RBFOX3: variants seen among roughly 807,000 people sequenced by gnomAD.
RBFOX3 encodes RNA binding fox-1 homolog 3.
A neutral mutation model predicts 48.7 loss-of-function variants in RBFOX3; 17 were observed. The observed-to-expected ratio is 0.35, with a 90% confidence interval of 0.24 to 0.52. RBFOX3 has a LOEUF of 0.52. RBFOX3 is among the 20% of genes least tolerant of loss of function. The pLI is 0.94. For missense variants in RBFOX3, 382 were observed against 497.5 expected (o/e 0.77, Z 2.21); for synonymous variants, 212 against 209.5 (o/e 1.01, Z -0.10).
chr17:79,150,245 C>T (rs946431468), intron 4 of RBFOX3, among the ~76,000 whole-genome samples: 2 of 151,920 alleles, frequency 1.3e-5, no homozygotes, highest in Non-Finnish European at 2.9e-5. Context: ...CTGAGGCCCT[C>T]AAGGCACAAA....
intron 2 of RBFOX3, among the ~76,000 whole-genome samples, chr17:79,344,754 C>A (rs1598333382): frequency 6.6e-6 from 1 of 152,138 alleles, no homozygotes; most frequent in Admixed American, 6.5e-5. Context: ...GAAGTTTTCA[C>A]CATGTTGGCC....
intron 2 of RBFOX3, among the ~76,000 whole-genome samples, chr17:79,370,752 T>C (rs2147611875): frequency 6.6e-6 from 1 of 152,210 alleles, no homozygotes; most frequent in Non-Finnish European, 1.5e-5. Flanking sequence ...CACACAGGCC[T>C]ACGCTCACAT....
At chr17:79,654,272 C>A in the RBFOX3 span, among the ~76,000 whole-genome samples, 1 of 152,202 alleles carries the variant, frequency 6.6e-6, no homozygotes, top group African/African-American at 2.4e-5. Flanking sequence ...AGCTTTCGGA[C>A]TCTCCAGCCC....
chr17:79,521,796 C>A (rs948453364), intron 1 of RBFOX3, among the ~76,000 whole-genome samples: 1 of 152,214 alleles, frequency 6.6e-6, no homozygotes, highest in Non-Finnish European at 1.5e-5. Context: ...CACACAAAAA[C>A]ACACAGTCAC....
chr17:79,162,682 C>A (rs2047208123), intron 4 of RBFOX3, among the ~76,000 whole-genome samples: 1 of 152,224 alleles, frequency 6.6e-6, no homozygotes, highest in African/African-American at 2.4e-5. Flanking sequence ...CCCTCGATCT[C>A]CTAAGGACTA....
intron 1 of RBFOX3, among the ~76,000 whole-genome samples, chr17:79,596,182 G>C (rs2093564683): frequency 6.6e-6 from 1 of 152,340 alleles, no homozygotes; most frequent in African/African-American, 2.4e-5. Context: ...GCTGACTCTG[G>C]TTCTGGGAAA....
At chr17:79,577,287 T>C (rs2092895872) in intron 1 of RBFOX3, among the ~76,000 whole-genome samples, 3 of 152,072 alleles carry the variant, frequency 2.0e-5, no homozygotes, top group Non-Finnish European at 4.4e-5. Flanking sequence ...GAGAACCTGG[T>C]GGGGTGCAGG....
intron 2 of RBFOX3, among the ~76,000 whole-genome samples, chr17:79,356,375 T>TTGTTTTTG (rs1568101245): frequency 1.1e-4 from 12 of 105,954 alleles, no homozygotes; most frequent in East Asian, 6.4e-4. Context: ...TTTTTTTTTT[T>TTGTTTTTG]TTTTTTTTTT....
rs2056367193 is a variant in RBFOX3, at chr17:79,199,441, T to C, written c.-34+36325A>G. ...GCAGGAGTTGCAGATCTTGGGGGTC[T>C]CTCAGTGGGGGAAATCAGCCCAGGT... On this transcript the variant is annotated intron_variant, in intron 4 of 14. Transcript: ENST00000693108. The surrounding 1 kb of genome is among the most constrained non-coding windows in gnomAD (Gnocchi z 5.1). 6.6e-6 allele frequency among the ~76,000 whole-genome samples: 1 copy of C among 151,918 alleles called. No individual in the cohort carries two copies. Among genetic ancestry groups the C allele is most frequent in the Admixed American group, 6.6e-5 (1 of 15,252 alleles).
chr17:79,160,262 G>A (rs1043710977), intron 4 of RBFOX3, among the ~76,000 whole-genome samples: 1 of 150,204 alleles, frequency 6.7e-6, no homozygotes, highest in African/African-American at 2.5e-5. Context: ...TGACGCCTAG[G>A]ACCCCAACAT....
In RBFOX3 at chr17:79,364,509, G is replaced by A. The variant is rs2147374933; in HGVS notation, c.-174-56685C>T. On this transcript the variant is annotated intron_variant, in intron 2 of 14. Transcript: ENST00000693108. This position sits in a 1 kb window ranked among gnomAD's most constrained non-coding sequence, Gnocchi z 5.1. ...AAGCACGTCTCCCAGGCATCTGATGGGTCAGTGCGCAGTTAATGAGTGTGT... is the reference window on the plus strand; with the variant it reads ...AAGCACGTCTCCCAGGCATCTGATGAGTCAGTGCGCAGTTAATGAGTGTGT... 6.6e-6 allele frequency among the ~76,000 whole-genome samples: 1 copy of A among 152,354 alleles called. No homozygotes were observed. Among genetic ancestry groups the A allele is most frequent in the African/African-American group, 2.4e-5 (1 of 41,574 alleles).
rs2077307457 is a variant in RBFOX3, at chr17:79,473,534, C to T, written c.-175+8920G>A. Among the ~76,000 whole-genome samples the T allele has an allele frequency of 6.6e-6, 1 of 152,184 alleles. No homozygotes were observed. The highest frequency in any genetic ancestry group is 2.4e-5 in the African/African-American group (1 of 41,448). On this transcript the variant is annotated intron_variant, in intron 2 of 14. Transcript: ENST00000693108. The surrounding 1 kb of genome is among the most constrained non-coding windows in gnomAD (Gnocchi z 4.2). ...CTGGACACTCCAGGCACACAGATGC[C>T]TCCCACAAGAAGTTGTGTTACGAGT...
chr17:79,575,857 T>C (rs1158465224), intron 1 of RBFOX3, among the ~76,000 whole-genome samples: 1 of 152,132 alleles, frequency 6.6e-6, no homozygotes. Context: ...CCTGTGATAG[T>C]AGCAAGCCCA....
At chr17:79,172,255 C>T (rs1160899590) in intron 4 of RBFOX3, among the ~76,000 whole-genome samples, 1 of 149,162 alleles carries the variant, frequency 6.7e-6, no homozygotes, top group Non-Finnish European at 1.5e-5. Flanking sequence ...AAAAAATGAA[C>T]AGCAGATATC....
chr17:79,450,901 AAC>A (rs1182555567), intron 2 of RBFOX3, among the ~76,000 whole-genome samples: 1 of 152,228 alleles, frequency 6.6e-6, no homozygotes, highest in East Asian at 1.9e-4. Context: ...TGGCTAAGGA[AAC>A]AAATTCAAGA....
chr17:79,369,093 T>A (rs973006236), intron 2 of RBFOX3, among the ~76,000 whole-genome samples: 2 of 152,120 alleles, frequency 1.3e-5, no homozygotes, highest in African/African-American at 4.8e-5. Context: ...CCTGGGGGCA[T>A]CTGCTCTGAG....
rs2077369640 is a variant in RBFOX3 at position 79,473,961 on chromosome 17, A to T, written c.-175+8493T>A. Among the ~76,000 whole-genome samples, 1 of 152,180 alleles carries T rather than the reference A, an allele frequency of 6.6e-6. No homozygotes were observed. Among genetic ancestry groups the T allele is most frequent in the South Asian group, 2.1e-4 (1 of 4,834 alleles). On this transcript the variant is annotated intron_variant, in intron 2 of 14. Transcript: ENST00000693108. This position sits in a 1 kb window ranked among gnomAD's most constrained non-coding sequence, Gnocchi z 4.2. ...CTGTTCTTTCCCCCACAGAACACAGATGTCTTTGAAAGCACCAATCCTGCA... is the reference window on the plus strand; with the variant it reads ...CTGTTCTTTCCCCCACAGAACACAGTTGTCTTTGAAAGCACCAATCCTGCA...
rs749459956 is a variant in RBFOX3, at chr17:79,101,569, G to C, written c.568+15C>G. 1.8e-5 allele frequency: 28 copies of C among 1,549,604 alleles called. No individual in the cohort carries two copies. In the African/African-American group the frequency reaches 3.7e-4, roughly 20 times the overall value. On this transcript the variant is annotated intron_variant, in intron 9 of 14. Coordinates refer to ENST00000693108, the MANE Select transcript of RBFOX3 (RefSeq NM_001350451.2). ...AGTGACCCCAGCAGCCTTGTGGGGG[G>C]ACCCAGCCCCTTACCGTTGGTGTAG...
rs145518882 is a variant in RBFOX3 at position 79,175,916 on chromosome 17, C to G, written c.-34+59850G>C. On this transcript the variant is annotated intron_variant, in intron 4 of 14. Coordinates refer to ENST00000693108, the MANE Select transcript of RBFOX3 (RefSeq NM_001350451.2). The stretch of plus-strand genomic sequence containing the variant: ...AAGGGCAAGACGGCTGGTGGACTCC[C>G]CACTCTCTCTGACCACCTGGGGGCT... 5.0e-3 allele frequency among the ~76,000 whole-genome samples: 757 copies of G among 152,316 alleles called. 6 individuals are homozygous for G. Among genetic ancestry groups the G allele is most frequent in the Middle Eastern group, 0.017 (5 of 294 alleles).
Sources: allele counts gnomAD v4.1 joint callset (sites outside exome capture counted in the v4.1 genomes callset), GRCh38; gene constraint gnomAD v4.1.1; non-coding constraint Gnocchi (gnomAD v3.1); transcripts MANE v1.5; gene names NCBI Gene and HGNC (gene_info 2026-07-23, HGNC 2026-07-21).